Variants in INSR observed in about 807,000 individuals in gnomAD.
The protein encoded by INSR is IR.
In INSR, 67 loss-of-function variants were observed where a neutral mutation model predicts 142.6. That is an observed-to-expected ratio of 0.47 (90% CI 0.39 to 0.58). INSR has a LOEUF of 0.58. Ranked by LOEUF, INSR falls within the 20% of genes least tolerant of loss-of-function variation. INSR has a pLI of 0.00. For synonymous variants in INSR, 756 were observed against 743.1 expected, an observed-to-expected ratio of 1.02 and a Z score of -0.28; for missense variants, 1,248 against 1,833.2, an observed-to-expected ratio of 0.68 and a Z score of 5.83.
At chr19:7,142,287 G>A (rs1973087933) in intron 12 of INSR, among the ~76,000 whole-genome samples, 2 of 150,342 alleles carry the variant, frequency 1.3e-5, no homozygotes, top group South Asian at 2.1e-4. Context: ...CTACTCAGGA[G>A]GCTGAGGCAG....
At position 7,113,193 on chromosome 19, in the gene INSR, T is replaced by C. The variant is rs1972246540; in HGVS notation, c.*3863A>G. On this transcript the variant is annotated 3_prime_UTR_variant, in exon 22 of 22. Transcript: ENST00000302850. ...ATATGCTGATGACGCTCCTGCTCTT[T>C]CACACGTGTTACAGCAGACTACAAA... 1 of 152,122 alleles carries C rather than the reference T, an allele frequency of 6.6e-6. No homozygotes were observed. Among genetic ancestry groups the C allele is most frequent in the Non-Finnish European group, 1.5e-5 (1 of 68,042 alleles). The allele number at this position is 152,122 out of a possible 1,614,324, so 9.4% of individuals were successfully genotyped here. A position where few individuals can be genotyped will look rare whatever the true frequency, so the allele number is the denominator to read the frequency against.
chr19:7,163,050 G>A lies in INSR; in HGVS notation c.2011C>T (p.Leu671=). 6.2e-7 allele frequency: 1 copy of A among 1,613,562 alleles called. No individual in the cohort carries two copies. The highest frequency in any genetic ancestry group is 8.5e-7 in the Non-Finnish European group (1 of 1,179,928). The stretch of plus-strand genomic sequence containing the variant: ...CACTCACCTTTGAGGCAATAATCCA[G>A]CTCGAACAGCTCACTGTCTTCCGCC... The part of the protein sequence containing the change: ...RQAEDSELFE[L]DYCLKGLKLP... The change falls in exon 9 of 22, where the codon CTG becomes TTG. Residue 671 remains leucine (L), a synonymous_variant. Coordinates refer to ENST00000302850, the MANE Select transcript of INSR (RefSeq NM_000208.4).
chr19:7,146,377 G>T (rs2144870943), intron 11 of INSR, among the ~76,000 whole-genome samples: 1 of 152,064 alleles, frequency 6.6e-6, no homozygotes, highest in Non-Finnish European at 1.5e-5. Flanking sequence ...AAGTAGCTGG[G>T]ATTACAGGCG....
At chr19:7,231,918 C>T (rs2145128533) in intron 2 of INSR, among the ~76,000 whole-genome samples, 1 of 152,118 alleles carries the variant, frequency 6.6e-6, no homozygotes, top group South Asian at 2.1e-4. Flanking sequence ...AGCCAAACTT[C>T]TCAAACAATA....
At chr19:7,280,021 T>A (rs1327162750) in intron 1 of INSR, among the ~76,000 whole-genome samples, 1 of 151,820 alleles carries the variant, frequency 6.6e-6, no homozygotes, top group African/African-American at 2.4e-5. Flanking sequence ...ATCCCAGCAC[T>A]TTGGGAGGCC....
intron 5 of INSR, among the ~76,000 whole-genome samples, chr19:7,171,550 A>G (rs1264080456): frequency 6.6e-6 from 1 of 152,144 alleles, no homozygotes; most frequent in East Asian, 1.9e-4. Context: ...TAGGACCTCA[A>G]GGAGAAGGTT....
chr19:7,253,746 G>A (rs962788691), intron 2 of INSR, among the ~76,000 whole-genome samples: 4 of 151,958 alleles, frequency 2.6e-5, no homozygotes, highest in African/African-American at 7.2e-5. Flanking sequence ...ATGAGCAAAC[G>A]GGCCGAGTGT....
Position 7,150,109 on chromosome 19 carries a change from C to A in INSR, c.2267+388G>T, listed in dbSNP as rs1215155208. On this transcript the variant is annotated intron_variant, in intron 11 of 21. Coordinates refer to ENST00000302850, the MANE Select transcript of INSR (RefSeq NM_000208.4). This position sits in a 1 kb window ranked among gnomAD's most constrained non-coding sequence, Gnocchi z 4.2. ...TCAACCTCCATTCATGGTGTAGGAGCTGCTGGGTCGGGGCACCCAGCCGCG... is the reference window on the plus strand; with the variant it reads ...TCAACCTCCATTCATGGTGTAGGAGATGCTGGGTCGGGGCACCCAGCCGCG... Among the ~76,000 whole-genome samples the A allele has an allele frequency of 6.6e-6, 1 of 152,210 alleles. No individual in the cohort carries two copies. Among genetic ancestry groups the A allele is most frequent in the East Asian group, 1.9e-4 (1 of 5,158 alleles).
intron 2 of INSR, among the ~76,000 whole-genome samples, chr19:7,184,877 G>A (rs1974388393): frequency 6.6e-6 from 1 of 152,098 alleles, no homozygotes; most frequent in South Asian, 2.1e-4. Flanking sequence ...ATGTTTAACA[G>A]CTGCCTGAGG....
At chr19:7,258,059 C>T (rs532933023) in intron 2 of INSR, among the ~76,000 whole-genome samples, 17 of 152,294 alleles carry the variant, frequency 1.1e-4, no homozygotes, top group African/African-American at 3.8e-4. Context: ...CTCCTGGCCT[C>T]GAGTGATCTG....
At chr19:7,234,515 T>C (rs1976096449) in intron 2 of INSR, among the ~76,000 whole-genome samples, 1 of 152,124 alleles carries the variant, frequency 6.6e-6, no homozygotes, top group Non-Finnish European at 1.5e-5. Flanking sequence ...ACCAAGATGA[T>C]TTAAAGTATA....
At chr19:7,228,951 G>T (rs977057762) in intron 2 of INSR, among the ~76,000 whole-genome samples, 21 of 150,936 alleles carry the variant, frequency 1.4e-4, no homozygotes, top group African/African-American at 5.2e-4. Flanking sequence ...GGAGGGACAG[G>T]TGTGTGGATT....
chr19:7,221,406 A>AGGAGGAAAG (rs749970430), intron 2 of INSR, among the ~76,000 whole-genome samples: 4 of 118,512 alleles, frequency 3.4e-5, no homozygotes, highest in South Asian at 2.8e-4. Flanking sequence ...GAGGAGGAGG[A>AGGAGGAAAG]AAGAAGAAGA....
intron 2 of INSR, among the ~76,000 whole-genome samples, chr19:7,235,439 A>C (rs12461206): frequency 0.19 from 29,241 of 152,156 alleles, 3,412 homozygotes; most frequent in East Asian, 0.39. Flanking sequence ...GATTCTGCAA[A>C]TATCCATGTG....
At chr19:7,195,449 C>T (rs190336319) in intron 2 of INSR, among the ~76,000 whole-genome samples, 2 of 152,084 alleles carry the variant, frequency 1.3e-5, no homozygotes, top group East Asian at 3.9e-4. Flanking sequence ...TCGAGACCAG[C>T]CTGGCCAACA....
At chr19:7,291,022 A>G (rs1968479449) in intron 1 of INSR, among the ~76,000 whole-genome samples, 1 of 151,856 alleles carries the variant, frequency 6.6e-6, no homozygotes, top group East Asian at 1.9e-4. Context: ...GTGAGCTGAG[A>G]TCGTGCCACT....
At chr19:7,172,530 T>A in intron 4 of INSR, 96 bp from the exon 5 acceptor site, 1 of 1,315,820 alleles carries the variant, frequency 7.6e-7, no homozygotes, top group Non-Finnish European at 1.1e-6. Flanking sequence ...AGGCTGCAAA[T>A]GACTGGACAT....
chr19:7,262,195 GC>G (rs1359336714), intron 2 of INSR, among the ~76,000 whole-genome samples: 1 of 152,162 alleles, frequency 6.6e-6, no homozygotes, highest in African/African-American at 2.4e-5. Context: ...CTAAGGCTGG[GC>G]GCGGTAGCTC....
At chr19:7,187,020 T>C (rs1267828406) in intron 2 of INSR, among the ~76,000 whole-genome samples, 1 of 151,620 alleles carries the variant, frequency 6.6e-6, no homozygotes, top group Non-Finnish European at 1.5e-5. Context: ...TTACTTTCTG[T>C]CTCTGTGACT....
Sources: gnomAD v4.1 joint callset for allele counts (sites outside exome capture counted in the v4.1 genomes callset) on GRCh38, gnomAD v4.1.1 for gene constraint, Gnocchi (gnomAD v3.1) non-coding constraint, MANE v1.5 for transcripts, NCBI Gene and HGNC (gene_info 2026-07-23, HGNC 2026-07-21) for gene names.